Variants in DCLK1 observed in about 807,000 individuals in gnomAD.
DCLK1 encodes doublecortin like kinase 1, also known as serine/threonine-protein kinase DCLK1.
A neutral mutation model predicts 86.2 loss-of-function variants in DCLK1; 16 were observed. That is an observed-to-expected ratio of 0.19 (90% confidence interval 0.13 to 0.28). The LOEUF is 0.28. Ranked by LOEUF, DCLK1 falls within the 10% of genes least tolerant of loss-of-function variation. DCLK1 has a pLI of 1.00. For synonymous variants in DCLK1, 369 were observed against 370.5 expected, an observed-to-expected ratio of 1.00 and a Z score of 0.05; for missense variants, 590 against 940.2, an observed-to-expected ratio of 0.63 and a Z score of 4.87.
At chr13:35,864,654 C>CTCTTTT (rs1555345428) in intron 5 of DCLK1, among the ~76,000 whole-genome samples, 1 of 112,618 alleles carries the variant, frequency 8.9e-6, no homozygotes. Flanking sequence ...TTTCTTCTCT[C>CTCTTTT]TTTTTTTTTT....
chr13:36,052,989 C>A (rs1403010097), intron 3 of DCLK1, among the ~76,000 whole-genome samples: 1 of 152,126 alleles, frequency 6.6e-6, no homozygotes, highest in African/African-American at 2.4e-5. Flanking sequence ...GCAGTCACTA[C>A]CTTGGGAAGT....
chr13:36,034,584 T>G (rs554886395), intron 3 of DCLK1, among the ~76,000 whole-genome samples: 23 of 152,314 alleles, frequency 1.5e-4, no homozygotes, highest in African/African-American at 5.5e-4. Context: ...TTTGAAGGAC[T>G]TAAGTCATGA....
rs779438992 is a variant in DCLK1 at position 35,810,885 on chromosome 13, T to A, written c.1638A>T (p.Thr546=). ...LATIVDGPLY[T]VCGTPTYVAP... ...CCACGTATGTTGGGGTGCCACAGAC[T>A]GTGTACAGGGGGCCGTCTACAATGG... Residue 546 remains threonine (T), a synonymous_variant, in exon 12 of 17, where the codon ACA becomes ACT. Coordinates refer to ENST00000360631, the MANE Select transcript of DCLK1 (RefSeq NM_001330071.2). The A allele has an allele frequency of 2.5e-6, 4 of 1,613,948 alleles. No homozygotes were observed. The highest frequency in any genetic ancestry group is 2.2e-5 in the East Asian group (1 of 44,888).
rs1869612651 is a variant in DCLK1 at position 35,839,150 on chromosome 13, C to T, written c.1062G>A (p.Thr354=). Residue 354 remains threonine, a synonymous_variant, in exon 7 of 17, where the codon ACG becomes ACA. Transcript: ENST00000360631. The stretch of plus-strand genomic sequence containing the variant: ...TGCAGACTTTGGTGGACGCAAGTGA[C>T]GTAGAGGAGCCGCCATGCTGAGAGC... ...QRSSQHGGSS[T]SLASTKVCSS... 9 of 1,589,590 alleles carry T rather than the reference C, an allele frequency of 5.7e-6. No individual in the cohort carries two copies. Among genetic ancestry groups the T allele is most frequent in the Non-Finnish European group, 6.8e-6 (8 of 1,168,092 alleles).
chr13:35,780,851 C>A (rs979166302), intron 16 of DCLK1, among the ~76,000 whole-genome samples: 2 of 152,214 alleles, frequency 1.3e-5, no homozygotes, highest in Non-Finnish European at 2.9e-5. Flanking sequence ...TTAGGGAAAT[C>A]CATCCCCATC....
intron 4 of DCLK1, among the ~76,000 whole-genome samples, chr13:35,938,165 G>T (rs545037366): frequency 3.9e-5 from 6 of 152,288 alleles, no homozygotes; most frequent in Admixed American, 3.9e-4. Flanking sequence ...GGTCTAGAAG[G>T]AAAAGAAATA....
At chr13:35,819,419 C>T (rs181958988) in intron 11 of DCLK1, among the ~76,000 whole-genome samples, 26 of 152,082 alleles carry the variant, frequency 1.7e-4, no homozygotes, top group African/African-American at 3.9e-4. Flanking sequence ...AAATAAAAAA[C>T]GCTAAAAGTT....
intron 6 of DCLK1, among the ~76,000 whole-genome samples, chr13:35,851,471 G>A (rs904165741): frequency 4.6e-5 from 7 of 151,674 alleles, no homozygotes; most frequent in African/African-American, 1.7e-4. Flanking sequence ...GCTTTTCTCC[G>A]GTTTTGTACC....
At chr13:36,020,587 T>A (rs1384171829) in intron 3 of DCLK1, among the ~76,000 whole-genome samples, 2 of 151,668 alleles carry the variant, frequency 1.3e-5, no homozygotes, top group Non-Finnish European at 2.9e-5. Context: ...GAAAAAACAA[T>A]GAAGAAAAAT....
At chr13:35,802,265 G>A (rs1566540048) in intron 15 of DCLK1, among the ~76,000 whole-genome samples, 1 of 151,604 alleles carries the variant, frequency 6.6e-6, no homozygotes, top group Non-Finnish European at 1.5e-5. Context: ...CCAGGAGGTC[G>A]AGGCTGCAGT....
intron 3 of DCLK1, among the ~76,000 whole-genome samples, chr13:36,030,326 TG>T (rs1882217420): frequency 6.6e-6 from 1 of 152,150 alleles, no homozygotes; most frequent in Admixed American, 6.5e-5. Context: ...GACGGAGTTT[TG>T]CTCTTGTTGC....
At chr13:35,790,154 A>C (rs1413273836) in intron 16 of DCLK1, among the ~76,000 whole-genome samples, 1 of 152,176 alleles carries the variant, frequency 6.6e-6, no homozygotes, top group Non-Finnish European at 1.5e-5. Flanking sequence ...GGTCCTAATA[A>C]TGTACAGACT....
At chr13:35,856,533 T>C (rs570499979) in intron 5 of DCLK1, among the ~76,000 whole-genome samples, 1 of 152,314 alleles carries the variant, frequency 6.6e-6, no homozygotes, top group South Asian at 2.1e-4. Context: ...AACACAGTGT[T>C]AACACTTTTC....
chr13:36,087,274 A>G (rs1255405625), intron 3 of DCLK1, among the ~76,000 whole-genome samples: 1 of 152,188 alleles, frequency 6.6e-6, no homozygotes, highest in African/African-American at 2.4e-5. Context: ...TTCTTTTGAG[A>G]AGTGCCCGGA....
At chr13:36,068,223 G>A (rs962146363) in intron 3 of DCLK1, among the ~76,000 whole-genome samples, 1 of 152,114 alleles carries the variant, frequency 6.6e-6, no homozygotes, top group African/African-American at 2.4e-5. Flanking sequence ...TAAATGACCT[G>A]GCTGATTTCA....
intron 13 of DCLK1, among the ~76,000 whole-genome samples, chr13:35,808,658 CT>C (rs904736362): frequency 4.6e-5 from 7 of 152,116 alleles, no homozygotes; most frequent in African/African-American, 1.7e-4. Context: ...CGGCGCACGC[CT>C]GTGATCCCAG....
chr13:35,942,998 T>A (rs1877166077), intron 4 of DCLK1, among the ~76,000 whole-genome samples: 1 of 152,220 alleles, frequency 6.6e-6, no homozygotes, highest in Non-Finnish European at 1.5e-5. Context: ...AATGTCTTTT[T>A]TAGGTTGAAT....
intron 4 of DCLK1, among the ~76,000 whole-genome samples, chr13:35,889,310 T>C (rs372993116): frequency 1.7e-4 from 26 of 152,308 alleles, no homozygotes; most frequent in East Asian, 5.8e-4. Flanking sequence ...GGGTTTGTAA[T>C]GGATTTATTA....
At chr13:35,808,803 A>G (rs2087084651) in intron 13 of DCLK1, among the ~76,000 whole-genome samples, 1 of 152,142 alleles carries the variant, frequency 6.6e-6, no homozygotes, top group Admixed American at 6.5e-5. Context: ...AAAAAAAAAA[A>G]AAGAAAGAAT....
Sources: gnomAD v4.1 joint callset for allele counts (sites outside exome capture counted in the v4.1 genomes callset) on GRCh38, gnomAD v4.1.1 for gene constraint, MANE v1.5 for transcripts, NCBI Gene and HGNC (gene_info 2026-07-23, HGNC 2026-07-21) for gene names.